VPS13A: variants seen among roughly 807,000 people sequenced by gnomAD.
The protein encoded by VPS13A is intermembrane lipid transfer protein VPS13A.
A neutral mutation model predicts 390.9 loss-of-function variants in VPS13A; 264 were observed. The observed-to-expected ratio is 0.68, with a 90% CI of 0.61 to 0.75. VPS13A has a LOEUF of 0.75. Among genes scored for constraint, VPS13A ranks in the 30% least tolerant of loss-of-function variants. The probability of loss-of-function intolerance (pLI) is 0.00; values close to 1 mark genes in which losing one functional copy is unlikely to be tolerated. For missense variants in VPS13A, 3,409 were observed against 3,733.9 expected (o/e 0.91, Z 2.27); for synonymous variants, 1,231 against 1,227.1 (o/e 1.00, Z -0.07).
chr9:77,193,511 G>T (rs1041767448), intron 1 of VPS13A, among the ~76,000 whole-genome samples: 1 of 152,152 alleles, frequency 6.6e-6, no homozygotes, highest in Admixed American at 6.5e-5. Context: ...GTGGGCACCT[G>T]TAATCCTAGT....
chr9:77,291,575 G>A (rs1827664573), intron 31 of VPS13A, among the ~76,000 whole-genome samples: 1 of 152,082 alleles, frequency 6.6e-6, no homozygotes, highest in African/African-American at 2.4e-5. Flanking sequence ...GCTTAGGGTG[G>A]CTGGAGGCTG....
At chr9:77,203,787 C>T (rs537962304) in intron 3 of VPS13A, among the ~76,000 whole-genome samples, 1 of 152,090 alleles carries the variant, frequency 6.6e-6, no homozygotes, top group Non-Finnish European at 1.5e-5. Flanking sequence ...AGTTTTTTCA[C>T]AATCTTATTA....
chr9:77,406,961 A>G (rs1376166715), intron 70 of VPS13A, among the ~76,000 whole-genome samples: 4 of 152,172 alleles, frequency 2.6e-5, no homozygotes, highest in Admixed American at 6.5e-5. Context: ...AATACTAAAC[A>G]TAATACCAAC....
In VPS13A at chr9:77,371,806, C is replaced by G. The variant is rs1193060520; in HGVS notation, c.9077+657C>G. Among the ~76,000 whole-genome samples the G allele has an allele frequency of 2.4e-4, 27 of 112,140 alleles. 1 individual carries two copies. The highest frequency in any genetic ancestry group is 1.1e-4 in the Non-Finnish European group (6 of 54,000). The allele number at this position is 112,140 out of a possible 152,430, so 73.6% of individuals were successfully genotyped here. A position where few individuals can be genotyped will look rare whatever the true frequency, so the allele number is the denominator to read the frequency against. On this transcript the variant is annotated intron_variant, in intron 67 of 71. Transcript: ENST00000360280. The stretch of plus-strand genomic sequence containing the variant: ...ATATCTCCCAATGCTATCCCTCCCC[C>G]CTCCCCCCTCCCCCCACCCCACCTG...
rs150855635 is a variant in VPS13A at position 77,362,802 on chromosome 9, T to G, written c.8211+2161T>G. Among the ~76,000 whole-genome samples, 1,285 of 152,356 alleles carry G rather than the reference T, an allele frequency of 8.4e-3. 10 individuals carry two copies. Among genetic ancestry groups the G allele is most frequent in the South Asian group, 0.014 (66 of 4,828 alleles). On this transcript the variant is annotated intron_variant, in intron 59 of 71. Transcript: ENST00000360280. ...TTAATTTTTTTTAACAATGTTTTGT[T>G]GTTTTTCAGAGTGTAAGTTTTACAC...
chr9:77,221,709 C>T (rs934479626), intron 13 of VPS13A, among the ~76,000 whole-genome samples: 1 of 152,092 alleles, frequency 6.6e-6, no homozygotes, highest in Non-Finnish European at 1.5e-5. Flanking sequence ...ACTACATTTT[C>T]CCTATGTTAC....
chr9:77,418,850 C>T lies in VPS13A; in HGVS notation c.*2844C>T, dbSNP rs1488057162. 6.6e-6 allele frequency: 1 copy of T among 152,112 alleles called. No homozygotes were observed. Among genetic ancestry groups the T allele is most frequent in the Non-Finnish European group, 1.5e-5 (1 of 68,018 alleles). The allele number at this position is 152,112 out of a possible 1,614,324, so 9.4% of individuals were successfully genotyped here. A position where few individuals can be genotyped will look rare whatever the true frequency, so the allele number is the denominator to read the frequency against. ...CACCTAGCTCATCTCTTAGAAACAT[C>T]CCACATAGTAGCATCGTATTACTCT... is the stretch of plus-strand genomic sequence containing the variant. On this transcript the variant is annotated 3_prime_UTR_variant, in exon 72 of 72. Coordinates refer to ENST00000360280, the MANE Select transcript of VPS13A (RefSeq NM_033305.3).
At chr9:77,198,836 TA>T (rs1825158385) in intron 1 of VPS13A, among the ~76,000 whole-genome samples, 1 of 152,116 alleles carries the variant, frequency 6.6e-6, no homozygotes, top group Non-Finnish European at 1.5e-5. Flanking sequence ...GCTAATTTTG[TA>T]CTTTTAGTAG....
intron 19 of VPS13A, among the ~76,000 whole-genome samples, chr9:77,240,825 A>C (rs1824445866): frequency 6.6e-6 from 1 of 151,576 alleles, no homozygotes; most frequent in South Asian, 2.1e-4. Flanking sequence ...GTTGATGTTC[A>C]TTTTCTCCTT....
chr9:77,391,422 A>C (rs143131059), intron 68 of VPS13A, among the ~76,000 whole-genome samples: 227 of 152,314 alleles, frequency 1.5e-3, no homozygotes, highest in African/African-American at 5.0e-3. Flanking sequence ...GCCTCTTTTC[A>C]CTCATCCAAA....
chr9:77,275,558 C>T lies in VPS13A; in HGVS notation c.2573C>T (p.Pro858Leu), dbSNP rs1826606181. Reference protein sequence around the residue: ...CSPLEEPLQFPTGVKSIRTRK... With the variant: ...CSPLEEPLQFLTGVKSIRTRK... ...CCCTTGGAAGAACCTCTTCAGTTTC[C>T]AACTGGAGTTAAAAGTATTCGAACC... The change falls in exon 25 of 72, where the codon CCA becomes CTA. Residue 858 changes from proline to leucine, a missense_variant. Pro to Leu is a moderately conservative substitution (Grantham distance 98, BLOSUM62 -3). This residue lies in a region of VPS13A where 2,717 missense variants were observed against 2,917.4 expected (regional missense o/e 0.93). Coordinates refer to ENST00000360280, the MANE Select transcript of VPS13A (RefSeq NM_033305.3). 2 of 1,613,526 alleles carry T rather than the reference C, an allele frequency of 1.2e-6. No homozygotes were observed. The highest frequency in any genetic ancestry group is 1.3e-5 in the African/African-American group (1 of 74,884).
At chr9:77,286,511 C>T (rs1377797849) in intron 31 of VPS13A, among the ~76,000 whole-genome samples, 1 of 152,146 alleles carries the variant, frequency 6.6e-6, no homozygotes, top group African/African-American at 2.4e-5. Flanking sequence ...GGTAGTTTGA[C>T]TGGATTTTAA....
intron 19 of VPS13A, among the ~76,000 whole-genome samples, chr9:77,246,549 C>T (rs145751267): frequency 1.5e-4 from 23 of 152,038 alleles, no homozygotes; most frequent in Non-Finnish European, 2.6e-4. Flanking sequence ...AAATATCTTT[C>T]ATTTACTCTA....
At chr9:77,255,061 C>T (rs908281399) in intron 22 of VPS13A, among the ~76,000 whole-genome samples, 27 of 152,084 alleles carry the variant, frequency 1.8e-4, no homozygotes, top group African/African-American at 6.0e-4. Context: ...GGCATCCTCA[C>T]CTTAATCCTG....
At chr9:77,223,739 A>G (rs1311274457) in intron 13 of VPS13A, among the ~76,000 whole-genome samples, 1 of 152,200 alleles carries the variant, frequency 6.6e-6, no homozygotes, top group African/African-American at 2.4e-5. Flanking sequence ...AAGGCAAAGA[A>G]GAAAGTGCTG....
chr9:77,311,332 A>G (rs963210163), intron 35 of VPS13A, among the ~76,000 whole-genome samples: 1 of 152,200 alleles, frequency 6.6e-6, no homozygotes, highest in Non-Finnish European at 1.5e-5. Flanking sequence ...CCCAGATACT[A>G]TACCATTAAT....
At chr9:77,227,690 GGTTTTTTTTTT>G (rs1169490174) in intron 16 of VPS13A, among the ~76,000 whole-genome samples, 1 of 148,562 alleles carries the variant, frequency 6.7e-6, no homozygotes, top group African/African-American at 2.5e-5. Flanking sequence ...TAATTTTTGT[GGTTTTTTTTTT>G]GTTTTTTTTT....
intron 62 of VPS13A, 21 bp downstream of exon 62, chr9:77,368,157 C>T: frequency 6.3e-7 from 1 of 1,583,856 alleles, no homozygotes; most frequent in Non-Finnish European, 8.6e-7. Context: ...GATTATATTA[C>T]AGAGGGACAG....
At chr9:77,181,035 CA>C (rs1167867210) in intron 1 of VPS13A, among the ~76,000 whole-genome samples, 2 of 152,024 alleles carry the variant, frequency 1.3e-5, no homozygotes, top group Non-Finnish European at 2.9e-5. Flanking sequence ...AGGCAACAGA[CA>C]GCGAGACTCT....
Sources: gnomAD v4.1 joint callset for allele counts (sites outside exome capture counted in the v4.1 genomes callset) on GRCh38, gnomAD v4.1.1 for gene constraint, gnomAD v4.1.1 regional missense constraint, MANE v1.5 for transcripts, NCBI Gene and HGNC (gene_info 2026-07-23, HGNC 2026-07-21) for gene names.